The following GUCY1A2 variants were observed in gnomAD, a reference collection of about 807,000 sequenced individuals.
The protein encoded by GUCY1A2 is guanylate cyclase 1 soluble subunit alpha 2.
GUCY1A2 carries 27 observed loss-of-function variants against 63.5 expected under a neutral mutation model. The ratio of observed to expected loss-of-function variants is 0.43; its 90% CI spans 0.31 to 0.59. The LOEUF (loss-of-function observed/expected upper bound fraction) is 0.59. Among genes scored for constraint, GUCY1A2 ranks in the 20% least tolerant of loss-of-function variants. The pLI is 0.11. For missense variants in GUCY1A2, 768 were observed against 913.3 expected (o/e 0.84, Z 2.05); for synonymous variants, 364 against 343.5 (o/e 1.06, Z -0.66).
intron 3 of GUCY1A2, among the ~76,000 whole-genome samples, chr11:106,967,406 C>T (rs550173742): frequency 6.6e-6 from 1 of 152,124 alleles, no homozygotes; most frequent in East Asian, 1.9e-4. Flanking sequence ...GTAAAAAAAT[C>T]TAGCAGTAAC....
In GUCY1A2 at chr11:106,674,409, A is replaced by G. The variant is rs1591223545; in HGVS notation, c.*13140T>C. ...GTATTATTCTTAAAATTCTAGTGAA[A>G]TGAGGCATATTTTATCATTTCAATC... On this transcript the variant is annotated 3_prime_UTR_variant, in exon 8 of 8. Transcript: ENST00000526355. The G allele has an allele frequency of 5.7e-6, 1 of 176,894 alleles. No homozygotes were observed. Among genetic ancestry groups the G allele is most frequent in the East Asian group, 9.6e-5 (1 of 10,376 alleles). 11.0% of individuals were successfully genotyped at this position (176,894 alleles called of 1,614,324 possible).
chr11:106,863,778 T>C (rs1349781030), intron 4 of GUCY1A2, among the ~76,000 whole-genome samples: 3 of 152,138 alleles, frequency 2.0e-5, no homozygotes, highest in African/African-American at 7.2e-5. Flanking sequence ...CATGGAATGT[T>C]TTTCTATTGT....
chr11:106,764,742 C>CTTGTTATTAAG (rs1187685170), intron 6 of GUCY1A2, among the ~76,000 whole-genome samples: 3 of 152,032 alleles, frequency 2.0e-5, no homozygotes, highest in Non-Finnish European at 2.9e-5. Flanking sequence ...AGAAGTAACT[C>CTTGTTATTAAG]TTGTTATTAA....
chr11:106,934,930 T>G (rs1270507780), intron 4 of GUCY1A2, among the ~76,000 whole-genome samples: 1 of 152,226 alleles, frequency 6.6e-6, no homozygotes, highest in Non-Finnish European at 1.5e-5. Context: ...ATCCATTTTA[T>G]TTTGGAAGTT....
intron 6 of GUCY1A2, among the ~76,000 whole-genome samples, chr11:106,749,047 C>T (rs1329470552): frequency 1.3e-5 from 2 of 152,030 alleles, no homozygotes; most frequent in East Asian, 3.8e-4. Flanking sequence ...TGTATTTTCA[C>T]TATACCTTTT....
At chr11:106,826,678 T>C (rs1286270826) in intron 4 of GUCY1A2, 99 of 1,609,260 alleles carry the variant, frequency 6.2e-5, no homozygotes, top group Admixed American at 1.8e-4. Context: ...AGCAAACAGT[T>C]CAAAGCTGAA....
rs925989020 is a variant in GUCY1A2, at chr11:106,736,136, A to T, written c.1837-27470T>A. 2.0e-5 allele frequency among the ~76,000 whole-genome samples: 3 copies of T among 152,092 alleles called. No homozygotes were observed. In the South Asian group the frequency reaches 6.2e-4, roughly 32 times the overall value. ...TGATGTACAGAAGCTTTTTAAGTTG[A>T]TGTGATCCTATTGGTCCATTTTTGC... On this transcript the variant is annotated intron_variant, in intron 6 of 7. Coordinates refer to ENST00000526355, the MANE Select transcript of GUCY1A2 (RefSeq NM_000855.3).
At chr11:106,917,867 G>A (rs1358254114) in intron 4 of GUCY1A2, among the ~76,000 whole-genome samples, 5 of 138,316 alleles carry the variant, frequency 3.6e-5, no homozygotes, top group Admixed American at 7.3e-5. Flanking sequence ...TGGGTGTAGC[G>A]CACCAACAAG....
rs1432275488 is a variant in GUCY1A2, at chr11:106,676,401, A to C, written c.*11148T>G. ...TGTACTTTTTTTTTTTTTGTATTTA[A>C]TAAAATGGCAATTTGTAAATTCTGG... On this transcript the variant is annotated 3_prime_UTR_variant, in exon 8 of 8. Transcript: ENST00000526355. 3 of 185,722 alleles carry C rather than the reference A, an allele frequency of 1.6e-5. No homozygotes were observed. Among genetic ancestry groups the C allele is most frequent in the African/African-American group, 7.1e-5 (3 of 42,374 alleles). 11.5% of individuals were successfully genotyped at this position (185,722 alleles called of 1,614,324 possible). A position where few individuals can be genotyped will look rare whatever the true frequency, so the allele number is the denominator to read the frequency against.
intron 3 of GUCY1A2, among the ~76,000 whole-genome samples, chr11:106,944,653 T>G (rs528709362): frequency 1.3e-5 from 2 of 152,282 alleles, no homozygotes; most frequent in South Asian, 4.1e-4. Flanking sequence ...ATAAAATTTT[T>G]TAATCTGTGA....
intron 6 of GUCY1A2, among the ~76,000 whole-genome samples, chr11:106,738,340 T>C (rs1196763762): frequency 6.6e-6 from 1 of 152,202 alleles, no homozygotes; most frequent in Non-Finnish European, 1.5e-5. Flanking sequence ...ATTCTCTAGG[T>C]TGCCTGTTCA....
At chr11:106,908,372 T>A (rs1244315276) in intron 4 of GUCY1A2, among the ~76,000 whole-genome samples, 1 of 151,886 alleles carries the variant, frequency 6.6e-6, no homozygotes, top group African/African-American at 2.4e-5. Flanking sequence ...AGAATAGAGA[T>A]CTTTATATAA....
chr11:106,889,918 A>C (rs183974823), intron 4 of GUCY1A2, among the ~76,000 whole-genome samples: 132 of 152,324 alleles, frequency 8.7e-4, no homozygotes, highest in Non-Finnish European at 1.5e-3. Context: ...GCAATTACCA[A>C]AATTGCAAGT....
intron 6 of GUCY1A2, among the ~76,000 whole-genome samples, chr11:106,709,626 TATTATATACACGTATAG>T (rs1419634936): frequency 2.5e-5 from 1 of 40,332 alleles, no homozygotes; most frequent in Non-Finnish European, 5.3e-5. Context: ...TACGTGTATA[TATTATATACACGTATAG>T]AATATATAGT....
At chr11:106,705,924 T>C (rs546073599) in intron 7 of GUCY1A2, among the ~76,000 whole-genome samples, 2 of 152,242 alleles carry the variant, frequency 1.3e-5, no homozygotes, top group South Asian at 2.1e-4. Flanking sequence ...GATGTCACAA[T>C]GAAAGACTGA....
intron 4 of GUCY1A2, among the ~76,000 whole-genome samples, chr11:106,904,308 G>A (rs762677263): frequency 1.3e-5 from 2 of 152,182 alleles, no homozygotes; most frequent in Non-Finnish European, 2.9e-5. Context: ...TTTATCATAA[G>A]AAGTTTTCAC....
intron 4 of GUCY1A2, among the ~76,000 whole-genome samples, chr11:106,849,524 T>C (rs975738166): frequency 3.3e-5 from 5 of 151,492 alleles, no homozygotes; most frequent in South Asian, 2.1e-4. Context: ...TTGGTAAATA[T>C]ATTTGATTGA....
chr11:106,941,487 A>C (rs1186269735), intron 3 of GUCY1A2, among the ~76,000 whole-genome samples: 1 of 152,228 alleles, frequency 6.6e-6, no homozygotes, highest in African/African-American at 2.4e-5. Flanking sequence ...ATTGGTTGAA[A>C]TCAATACATG....
intron 3 of GUCY1A2, among the ~76,000 whole-genome samples, chr11:106,961,457 T>A (rs1861056925): frequency 6.6e-6 from 1 of 152,232 alleles, no homozygotes; most frequent in Non-Finnish European, 1.5e-5. Context: ...TCAACACTAT[T>A]TAATTCCTAA....
Sources: allele counts gnomAD v4.1 joint callset (sites outside exome capture counted in the v4.1 genomes callset), GRCh38; gene constraint gnomAD v4.1.1; transcripts MANE v1.5; gene names NCBI Gene and HGNC (gene_info 2026-07-23, HGNC 2026-07-21).